The following INTS4 variants were observed in gnomAD, a reference collection of about 807,000 sequenced individuals.
The protein encoded by INTS4 is integrator complex subunit 4, also known as MSTP093.
In INTS4, 70 loss-of-function variants were observed where a neutral mutation model predicts 119.5. The ratio of observed to expected loss-of-function variants is 0.59; its 90% CI spans 0.48 to 0.71. The LOEUF (loss-of-function observed/expected upper bound fraction) is 0.71. INTS4 is among the 30% of genes least tolerant of loss of function. The pLI, the probability that INTS4 is intolerant of heterozygous loss-of-function variation, is 0.00. For synonymous variants in INTS4, 316 were observed against 419.6 expected, an observed-to-expected ratio of 0.75 and a Z score of 3.02; for missense variants, 867 against 1,173.2, an observed-to-expected ratio of 0.74 and a Z score of 3.81.
chr11:77,974,057 T>C (rs1261421682), intron 4 of INTS4, among the ~76,000 whole-genome samples: 1 of 152,150 alleles, frequency 6.6e-6, no homozygotes, highest in East Asian at 1.9e-4. Flanking sequence ...CATTGAGGCC[T>C]GAGCTTTTCT....
rs753937180 is a variant in INTS4, at chr11:77,921,415, T to C, written c.1689A>G (p.Ala563=). The change falls in exon 14 of 23, where the codon GCA becomes GCG. Residue 563 remains alanine (A), a synonymous_variant. Transcript: ENST00000534064. ...NAAKTCPTMP[A]LFSDHTFRHY... ...GCCTGAAGGTGTGATCTGAGAACAA[T>C]GCTGGCATTGTTGGACAGGTTTTAG... 12 of 1,611,194 alleles carry C rather than the reference T, an allele frequency of 7.4e-6. No homozygotes were observed. The highest frequency in any genetic ancestry group is 8.5e-6 in the Non-Finnish European group (10 of 1,177,400).
intron 2 of INTS4, among the ~76,000 whole-genome samples, chr11:77,983,519 G>T (rs1040486844): frequency 3.9e-5 from 6 of 152,126 alleles, no homozygotes; most frequent in Non-Finnish European, 8.8e-5. Context: ...ACTGGGCAAA[G>T]AACTTGAATA....
intron 11 of INTS4, among the ~76,000 whole-genome samples, chr11:77,925,957 C>T (rs1163422800): frequency 6.6e-6 from 1 of 152,228 alleles, no homozygotes; most frequent in African/African-American, 2.4e-5. Flanking sequence ...TTACTAACCA[C>T]TCAAATTACA....
At chr11:77,937,817 G>GTATTTATTTATTTATTTATT (rs4016025) in intron 10 of INTS4, among the ~76,000 whole-genome samples, 11 of 146,514 alleles carry the variant, frequency 7.5e-5, no homozygotes, top group Non-Finnish European at 1.6e-4. Context: ...ATATCTTTCT[G>GTATTTATTTATTTATTTATT]TATTTATTTA....
intron 21 of INTS4, among the ~76,000 whole-genome samples, chr11:77,887,585 G>A (rs1300994307): frequency 6.6e-6 from 1 of 152,148 alleles, no homozygotes; most frequent in Admixed American, 6.6e-5. Context: ...AATTAGGTAG[G>A]AGAAGGAAAT....
rs367633882 is a variant in INTS4 at position 77,949,102 on chromosome 11, G to A, written c.918+6840C>T. On this transcript the variant is annotated intron_variant, in intron 8 of 22. Transcript: ENST00000534064. ...ACCGCACTCCAGCCTAGGCAACAGA[G>A]CAAGACCCTGACTTAAAGAAGAAAA... 8.6e-4 allele frequency among the ~76,000 whole-genome samples: 131 copies of A among 152,212 alleles called. 2 individuals carry two copies. The South Asian group carries it at 0.027, about 31-fold the overall frequency.
chr11:77,906,718 T>C (rs1044268219), intron 16 of INTS4, among the ~76,000 whole-genome samples: 4 of 152,250 alleles, frequency 2.6e-5, no homozygotes, highest in Admixed American at 6.5e-5. Context: ...ACTGTAAATA[T>C]AACATTTAGC....
chr11:77,984,861 C>G (rs1856389921), intron 2 of INTS4, among the ~76,000 whole-genome samples: 1 of 139,894 alleles, frequency 7.1e-6, no homozygotes. Context: ...GGAGTGAGAC[C>G]TTGTTAGGAA....
chr11:77,938,139 G>A (rs1190728269), intron 10 of INTS4, among the ~76,000 whole-genome samples: 6 of 151,764 alleles, frequency 4.0e-5, no homozygotes, highest in Non-Finnish European at 7.4e-5. Context: ...GAGCCACCAC[G>A]CCTGGCCCAA....
At position 77,961,056 on chromosome 11, in the gene INTS4, G is replaced by C; in HGVS notation, c.554C>G (p.Thr185Arg). 1 of 1,609,540 alleles carries C rather than the reference G, an allele frequency of 6.2e-7. No homozygotes were observed. Among genetic ancestry groups the C allele is most frequent in the Non-Finnish European group, 8.5e-7 (1 of 1,179,144 alleles). ...GGCAGCTAGGCCTTCTGCATCTTTT[G>C]TGACACTTTTCTCCAAAGAGCCAAG... is the stretch of plus-strand genomic sequence containing the variant. ...GNLGSLEKSVTKDAEGLAARD... is the reference protein window; with the variant it reads ...GNLGSLEKSVRKDAEGLAARD... The change falls in exon 5 of 23, where the codon ACA (threonine) becomes AGA (arginine). Residue 185 changes from threonine to arginine, a missense_variant. Coordinates refer to ENST00000534064, the MANE Select transcript of INTS4 (RefSeq NM_033547.4).
At chr11:77,912,050 T>A (rs539916885) in intron 15 of INTS4, among the ~76,000 whole-genome samples, 13 of 152,210 alleles carry the variant, frequency 8.5e-5, no homozygotes, top group Admixed American at 5.2e-4. Context: ...CAAACACAGA[T>A]GAGACCAAAA....
chr11:77,933,912 A>C (rs1305028229), intron 10 of INTS4, among the ~76,000 whole-genome samples: 2 of 151,936 alleles, frequency 1.3e-5, no homozygotes, highest in African/African-American at 4.8e-5. Flanking sequence ...GCTCATTGAG[A>C]GCGGGCCATG....
rs763179062 is a variant in INTS4, at chr11:77,961,187, ATGAT to A, written c.472-53_472-50del. On this transcript the variant is annotated intron_variant, in intron 4 of 22. Coordinates refer to ENST00000534064, the MANE Select transcript of INTS4 (RefSeq NM_033547.4). Reference sequence around the variant, plus strand: ...AAAAAAAGAAAAAGAAAAAAAGGACATGATTAAGATATCTTAACAAACACAGACA... The same window carrying A: ...AAAAAAAGAAAAAGAAAAAAAGGACATAAGATATCTTAACAAACACAGACA... 20 of 1,489,702 alleles carry A rather than the reference ATGAT, an allele frequency of 1.3e-5. No homozygotes were observed. In the African/African-American group the frequency reaches 2.6e-4, roughly 19 times the overall value. The allele number at this position is 1,489,702 out of a possible 1,614,324, so 92.3% of individuals were successfully genotyped here.
At chr11:77,908,915 T>A (rs913776900) in intron 15 of INTS4, among the ~76,000 whole-genome samples, 1 of 152,272 alleles carries the variant, frequency 6.6e-6, no homozygotes, top group South Asian at 2.1e-4. Flanking sequence ...TTATTACTAA[T>A]TGAACTCTGA....
chr11:77,962,452 T>C (rs1172520859), intron 4 of INTS4, among the ~76,000 whole-genome samples: 1 of 152,150 alleles, frequency 6.6e-6, no homozygotes, highest in East Asian at 1.9e-4. Context: ...TTATCAGTTT[T>C]CCTCCTGCAT....
chr11:77,892,613 C>T (rs1952322505), intron 19 of INTS4, among the ~76,000 whole-genome samples: 1 of 152,104 alleles, frequency 6.6e-6, no homozygotes. Context: ...GAAGGAGTCT[C>T]GCACTATTGC....
chr11:77,956,783 A>C, intron 7 of INTS4, among the ~76,000 whole-genome samples: 1 of 150,302 alleles, frequency 6.7e-6, no homozygotes, highest in African/African-American at 2.4e-5. Flanking sequence ...ATAAGTAAGT[A>C]AGGCTGCAGG....
chr11:77,981,459 T>C lies in INTS4; in HGVS notation c.364A>G (p.Lys122Glu). 1 of 1,464,056 alleles carries C rather than the reference T, an allele frequency of 6.8e-7. No individual in the cohort carries two copies. Among genetic ancestry groups the C allele is most frequent in the African/African-American group, 1.4e-5 (1 of 71,264 alleles). The allele number at this position is 1,464,056 out of a possible 1,614,324, so 90.7% of individuals were successfully genotyped here. ...DDAINILQNE[K>E]SHQVLAQLLD... ...ATAGAGCTTTTAAATTGCAACTTAC[T>C]TTCATTCTGCAGGATGTTGATGGCA... Residue 122 changes from lysine (K) to glutamate (E), a missense_variant and splice_region_variant, in exon 3 of 23, where the codon AAG (lysine) becomes GAG (glutamate). Lys to Glu is a moderately conservative substitution (Grantham distance 56, BLOSUM62 1). Transcript: ENST00000534064.
chr11:77,888,051 T>C (rs896034435), intron 21 of INTS4, among the ~76,000 whole-genome samples: 5 of 152,268 alleles, frequency 3.3e-5, no homozygotes, highest in African/African-American at 1.2e-4. Context: ...AATGACTTTC[T>C]TCACAGAATT....
Sources: gnomAD v4.1 joint callset for allele counts (sites outside exome capture counted in the v4.1 genomes callset) on GRCh38, gnomAD v4.1.1 for gene constraint, MANE v1.5 for transcripts, NCBI Gene and HGNC (gene_info 2026-07-23, HGNC 2026-07-21) for gene names.